The following MBTD1 variants were observed in gnomAD, a reference collection of about 807,000 sequenced individuals.
MBTD1 encodes the protein mbt domain containing 1, also known as MBT domain-containing protein 1.
Under a neutral mutation model 87.8 loss-of-function variants are expected in MBTD1, and 24 were observed. That is an observed-to-expected ratio of 0.27 (90% CI 0.20 to 0.38). MBTD1 has a LOEUF of 0.38. MBTD1 is among the 10% of genes least tolerant of loss of function. MBTD1 has a pLI of 1.00. For synonymous variants in MBTD1, 237 were observed against 248.6 expected (o/e 0.95, Z 0.44); for missense variants, 436 against 760.2 (o/e 0.57, Z 5.02).
At chr17:51,257,763 C>T (rs2055176456) in intron 2 of MBTD1, among the ~76,000 whole-genome samples, 2 of 152,148 alleles carry the variant, frequency 1.3e-5, no homozygotes, top group African/African-American at 4.8e-5. Context: ...ACTATTATTA[C>T]ACCTCTACTG....
At chr17:51,207,648 G>C (rs2051926020) in intron 6 of MBTD1, among the ~76,000 whole-genome samples, 1 of 152,164 alleles carries the variant, frequency 6.6e-6, no homozygotes, top group African/African-American at 2.4e-5. Context: ...AACTTCCAAT[G>C]TTAGAACCGG....
intron 2 of MBTD1, among the ~76,000 whole-genome samples, chr17:51,234,093 T>C (rs1003334823): frequency 6.6e-6 from 1 of 151,516 alleles, no homozygotes; most frequent in Non-Finnish European, 1.5e-5. Context: ...ATATCATAAA[T>C]GAAAGAAGTA....
upstream of MBTD1, chr17:51,260,727 G>C (rs766434695): frequency 1.9e-6 from 3 of 1,592,726 alleles, no homozygotes; most frequent in Non-Finnish European, 1.7e-6. Flanking sequence ...TCATCCCAGC[G>C]GAAACCGCCG....
rs2050882960 is a variant in MBTD1, at chr17:51,192,986, T to C, written c.1486A>G (p.Met496Val). ...DVPNHGFRVG[M>V]KLEAVDLMEP... ...ATGAGATCTACTGCTTCTAATTTCA[T>C]TCCTACACGAAATCCGTGATTTGGA... Residue 496 changes from methionine to valine, a missense_variant, in exon 15 of 17, where the codon ATG becomes GTG. By Grantham distance (21) the Met-to-Val change is conservative (BLOSUM62 1). Around this residue, in one of 5 missense-constraint regions of MBTD1, gnomAD observed 80 missense variants for 182.2 expected, o/e 0.44. Transcript: ENST00000586178. The C allele has an allele frequency of 6.2e-7, 1 of 1,613,940 alleles. No individual in the cohort carries two copies. Among genetic ancestry groups the C allele is most frequent in the Non-Finnish European group, 8.5e-7 (1 of 1,179,862 alleles).
chr17:51,191,935 T>A, intron 16 of MBTD1: 1 of 391,394 alleles, frequency 2.6e-6, no homozygotes, highest in Non-Finnish European at 4.6e-6. Flanking sequence ...TCAGTAGGTT[T>A]TACATATTAT....
chr17:51,227,511 C>T (rs931867550), intron 2 of MBTD1, among the ~76,000 whole-genome samples: 7 of 151,500 alleles, frequency 4.6e-5, no homozygotes, highest in Non-Finnish European at 1.0e-4. Flanking sequence ...CAGTGAGCCA[C>T]GATCGTGCCC....
At chr17:51,231,024 G>A (rs1568212843) in intron 2 of MBTD1, among the ~76,000 whole-genome samples, 1 of 152,052 alleles carries the variant, frequency 6.6e-6, no homozygotes, top group African/African-American at 2.4e-5. Flanking sequence ...TGCAACCTCC[G>A]CCTCCTGAGT....
intron 15 of MBTD1, 88 bp downstream of exon 15, chr17:51,192,694 G>A (rs762861010): frequency 6.4e-7 from 1 of 1,567,590 alleles, no homozygotes; most frequent in Non-Finnish European, 8.6e-7. Flanking sequence ...TTCTTGTCCT[G>A]TGAGCTCATA....
chr17:51,236,015 CTATATG>C lies in MBTD1; in HGVS notation c.-48-10812_-48-10807del, dbSNP rs1284888806. ...CCTCTATCTATCTATCGGTCTCTCT[CTATATG>C]TATGTCTATTTATGGGTATATATGG... On this transcript the variant is annotated intron_variant, in intron 2 of 16. Coordinates refer to ENST00000586178, the MANE Select transcript of MBTD1 (RefSeq NM_017643.3). 9.9e-5 allele frequency among the ~76,000 whole-genome samples: 15 copies of C among 152,118 alleles called. No homozygotes were observed. In the East Asian group the frequency reaches 2.9e-3, roughly 29 times the overall value.
intron 16 of MBTD1, 179 bp downstream of exon 16, chr17:51,192,024 A>T (rs552535769): frequency 3.3e-6 from 2 of 600,904 alleles, no homozygotes; most frequent in South Asian, 4.2e-5. Flanking sequence ...TGTTAGTAAA[A>T]TATCAGTGTT....
intron 2 of MBTD1, among the ~76,000 whole-genome samples, chr17:51,241,551 T>C (rs1009278615): frequency 5.3e-5 from 8 of 152,074 alleles, no homozygotes; most frequent in Admixed American, 5.2e-4. Context: ...TATCAACTCA[T>C]GGATTTCTAT....
At chr17:51,200,656 G>A (rs890519826) in intron 12 of MBTD1, among the ~76,000 whole-genome samples, 2 of 151,450 alleles carry the variant, frequency 1.3e-5, no homozygotes, top group African/African-American at 2.4e-5. Context: ...TTGAGTCCAG[G>A]AATTCGAGAC....
Position 51,179,482 on chromosome 17 carries a change from T to TTATATATATATATATATATTTATA in MBTD1, c.*1093_*1094insTATAAATATATATATATATATATA. The stretch of plus-strand genomic sequence containing the variant: ...AAATCCTGAATACAATTAAAGACAA[T>TTATATATATATATATATATTTATA]TTTATATATATATATATATATATAT... On this transcript the variant is annotated 3_prime_UTR_variant, in exon 17 of 17. Transcript: ENST00000586178. The TTATATATATATATATATATTTATA allele has an allele frequency of 3.2e-5, 1 of 31,650 alleles. No homozygotes were observed. The highest frequency in any genetic ancestry group is 1.7e-4 in the African/African-American group (1 of 5,720). The allele number at this position is 31,650 out of a possible 1,614,324, so 2.0% of individuals were successfully genotyped here.
chr17:51,260,851 G>A (rs552807860), upstream of MBTD1: 78 of 1,601,088 alleles, frequency 4.9e-5, 1 homozygote, highest in South Asian at 8.3e-4. Flanking sequence ...CCGTGGAGCG[G>A]TGCTTGGAGG....
chr17:51,245,835 T>C (rs558399139), intron 2 of MBTD1, among the ~76,000 whole-genome samples: 1 of 151,530 alleles, frequency 6.6e-6, no homozygotes, highest in Non-Finnish European at 1.5e-5. Context: ...CTTGCATGTT[T>C]ATTTTTCCAA....
Position 51,202,878 on chromosome 17 carries a change from T to G in MBTD1, c.886A>C (p.Lys296Gln). Residue 296 changes from lysine (K) to glutamine (Q), a missense_variant, in exon 10 of 17, where the codon AAG becomes CAG. By Grantham distance (53) the Lys-to-Gln change is moderately conservative. This residue lies in a region of MBTD1 where 268 missense variants were observed against 401.8 expected (regional missense o/e 0.67). Transcript: ENST00000586178. ...ACTCGTGTTCGACACAAATGCCTCTTGTCAACCACTTCTACTCTCATGCAA... is the reference window on the plus strand; with the variant it reads ...ACTCGTGTTCGACACAAATGCCTCTGGTCAACCACTTCTACTCTCATGCAA... The part of the protein sequence containing the change: ...KPCMRVEVVD[K>Q]RHLCRTRVAV... 1 of 1,614,196 alleles carries G rather than the reference T, an allele frequency of 6.2e-7. No homozygotes were observed. The highest frequency in any genetic ancestry group is 8.5e-7 in the Non-Finnish European group (1 of 1,180,030).
At chr17:51,191,877 GGCT>G (rs557440082) in intron 16 of MBTD1, 237 of 252,872 alleles carry the variant, frequency 9.4e-4, no homozygotes, top group Non-Finnish European at 1.2e-3. Context: ...CACTGCACCT[GGCT>G]GCTAATTTTT....
At chr17:51,204,062 G>A (rs542032058) in intron 7 of MBTD1, 137 bp from the exon 8 acceptor site, 17 of 685,942 alleles carry the variant, frequency 2.5e-5, no homozygotes, top group African/African-American at 1.8e-4. Context: ...ACAGATGGCT[G>A]GGTCTCACTC....
intron 2 of MBTD1, among the ~76,000 whole-genome samples, chr17:51,236,005 C>T (rs575123108): frequency 1.8e-4 from 27 of 152,008 alleles, no homozygotes; most frequent in African/African-American, 6.0e-4. Flanking sequence ...ATCTATCTAT[C>T]GGTCTCTCTC....
Sources: allele counts gnomAD v4.1 joint callset (sites outside exome capture counted in the v4.1 genomes callset), GRCh38; gene constraint gnomAD v4.1.1; regional missense constraint gnomAD v4.1.1; transcripts MANE v1.5; gene names NCBI Gene and HGNC (gene_info 2026-07-23, HGNC 2026-07-21).